Variants in FBXO21 observed in about 807,000 individuals in gnomAD.
FBXO21 encodes F-box only protein 21.
FBXO21 carries 32 observed loss-of-function variants against 76.6 expected under a neutral mutation model. The ratio of observed to expected loss-of-function variants is 0.42; its 90% CI spans 0.32 to 0.56. FBXO21 has a LOEUF of 0.56. Among genes scored for constraint, FBXO21 ranks in the 20% least tolerant of loss-of-function variants. The probability of loss-of-function intolerance (pLI) is 0.16; values close to 1 mark genes in which losing one functional copy is unlikely to be tolerated. For missense variants in FBXO21, 586 were observed against 797.3 expected (o/e 0.73, Z 3.19); for synonymous variants, 328 against 311.5 (o/e 1.05, Z -0.56).
rs372253197 is a variant in FBXO21 at position 117,150,871 on chromosome 12, C to CTGTG, written c.1676-4598_1676-4595dup. On this transcript the variant is annotated intron_variant, in intron 11 of 11. Coordinates refer to ENST00000622495, the MANE Select transcript of FBXO21 (RefSeq NM_015002.3). ...GCCAGCAGGTACAGCTGGCCATGGACTGTGTGTGTGTGTGTGTGTGTGTGT... is the reference window on the plus strand; with the variant it reads ...GCCAGCAGGTACAGCTGGCCATGGACTGTGTGTGTGTGTGTGTGTGTGTGTGTGT... Among the ~76,000 whole-genome samples the CTGTG allele has an allele frequency of 9.1e-3, 1,158 of 127,692 alleles. 23 individuals are homozygous for CTGTG. Among genetic ancestry groups the CTGTG allele is most frequent in the African/African-American group, 0.024 (798 of 33,536 alleles). 83.8% of individuals were successfully genotyped at this position (127,692 alleles called of 152,430 possible). A position where few individuals can be genotyped will look rare whatever the true frequency, so the allele number is the denominator to read the frequency against.
intron 2 of FBXO21, 74 bp downstream of exon 2, chr12:117,189,153 A>C: frequency 1.3e-6 from 2 of 1,544,510 alleles, no homozygotes; most frequent in Non-Finnish European, 1.8e-6. Flanking sequence ...AAAGAGCTGG[A>C]TGAGCTCATG....
chr12:117,175,164 C>T (rs1956160992), intron 4 of FBXO21, among the ~76,000 whole-genome samples: 1 of 152,052 alleles, frequency 6.6e-6, no homozygotes, highest in African/African-American at 2.4e-5. Flanking sequence ...AATCCAACAA[C>T]TCTGAAAACT....
At chr12:117,164,724 A>AT (rs1250495043) in intron 9 of FBXO21, among the ~76,000 whole-genome samples, 2 of 152,322 alleles carry the variant, frequency 1.3e-5, no homozygotes, top group Middle Eastern at 3.4e-3. Flanking sequence ...TTCAAGGAAG[A>AT]TTTTACCCCT....
At chr12:117,147,997 T>G (rs972352214) in intron 11 of FBXO21, among the ~76,000 whole-genome samples, 1 of 152,242 alleles carries the variant, frequency 6.6e-6, no homozygotes, top group Non-Finnish European at 1.5e-5. Context: ...TGGCCTATTA[T>G]TTCTTAAACA....
rs145218658 is a variant in FBXO21, at chr12:117,162,944, C to T, written c.1326+2541G>A. On this transcript the variant is annotated intron_variant, in intron 9 of 11. Transcript: ENST00000622495. Reference sequence around the variant, plus strand: ...ATTTTTCAAGGTCACACCTGAAACCCTTCCTCTGGAGAGGAACCTTGTCCG... The same window carrying T: ...ATTTTTCAAGGTCACACCTGAAACCTTTCCTCTGGAGAGGAACCTTGTCCG... Among the ~76,000 whole-genome samples the T allele has an allele frequency of 1.9e-3, 286 of 152,314 alleles. 2 individuals carry two copies. The highest frequency in any genetic ancestry group is 6.8e-3 in the Middle Eastern group (2 of 294).
At chr12:117,155,737 T>G in intron 11 of FBXO21, 54 bp downstream of exon 11, 4 of 1,559,934 alleles carry the variant, frequency 2.6e-6, no homozygotes, top group Non-Finnish European at 2.6e-6. Flanking sequence ...GGCTCAAACG[T>G]GCGCTGAAAA....
In FBXO21 at chr12:117,146,240, T is replaced by A. The variant is rs1315752630; in HGVS notation, c.1713A>T (p.Ser571=). The A allele has an allele frequency of 1.9e-6, 3 of 1,610,248 alleles. No individual in the cohort carries two copies. The African/African-American group carries it at 4.0e-5, about 22-fold the overall frequency. ...LEYNVEPQEI[S]HPDVGRYFSE... is the part of the protein sequence containing the mutation. Reference sequence around the variant, plus strand: ...AGAAATAGCGTCCCACGTCAGGGTGTGAGATTTCTTGAGGCTCCACGTTAT... The same window carrying A: ...AGAAATAGCGTCCCACGTCAGGGTGAGAGATTTCTTGAGGCTCCACGTTAT... Residue 571 remains serine (S), a synonymous_variant, in exon 12 of 12, where the codon TCA becomes TCT. Transcript: ENST00000622495.
At chr12:117,167,226 C>T (rs1448310886) in intron 7 of FBXO21, 149 bp from the exon 8 acceptor site, 2 of 656,030 alleles carry the variant, frequency 3.0e-6, no homozygotes, top group African/African-American at 3.6e-5. Flanking sequence ...AAATCTGACC[C>T]CTTTGTGCAA....
intron 8 of FBXO21, among the ~76,000 whole-genome samples, chr12:117,166,209 A>G (rs1956052176): frequency 1.4e-5 from 2 of 145,304 alleles, no homozygotes; most frequent in African/African-American, 2.6e-5. Context: ...AAAAAAAAAA[A>G]GAATTCTGAG....
intron 3 of FBXO21, among the ~76,000 whole-genome samples, chr12:117,179,278 T>G (rs542078522): frequency 6.6e-6 from 1 of 152,328 alleles, no homozygotes; most frequent in East Asian, 1.9e-4. Context: ...AAGAAAACTT[T>G]GCAAACGGCC....
At chr12:117,173,662 A>C (rs1310301125) in intron 6 of FBXO21, among the ~76,000 whole-genome samples, 1 of 152,232 alleles carries the variant, frequency 6.6e-6, no homozygotes, top group African/African-American at 2.4e-5. Flanking sequence ...AGAGTCAGAG[A>C]AATATCTATT....
intron 3 of FBXO21, among the ~76,000 whole-genome samples, chr12:117,182,891 G>GT (rs1956249183): frequency 6.6e-6 from 1 of 152,026 alleles, no homozygotes; most frequent in African/African-American, 2.4e-5. Context: ...CAGGAGTTTA[G>GT]TAACTGCCTG....
intron 2 of FBXO21, among the ~76,000 whole-genome samples, chr12:117,186,841 C>T (rs1329220162): frequency 1.3e-5 from 2 of 152,204 alleles, no homozygotes; most frequent in South Asian, 2.1e-4. Context: ...AGAAAACTAG[C>T]TCTGGCCGGC....
At chr12:117,155,296 C>G (rs1955899403) in intron 11 of FBXO21, 2 of 154,362 alleles carry the variant, frequency 1.3e-5, no homozygotes, top group Admixed American at 1.3e-4. Flanking sequence ...AGACGCCTAC[C>G]CAACCTTACT....
chr12:117,172,383 A>G, intron 7 of FBXO21, 88 bp downstream of exon 7: 1 of 1,473,936 alleles, frequency 6.8e-7, no homozygotes, highest in South Asian at 1.3e-5. Flanking sequence ...GTGTGGTAAC[A>G]CCCAACTTGA....
At chr12:117,186,429 C>G in intron 3 of FBXO21, 48 bp downstream of exon 3, 1 of 1,244,308 alleles carries the variant, frequency 8.0e-7, no homozygotes, top group South Asian at 1.2e-5. Flanking sequence ...CAGCAATTTA[C>G]TCTGGACTTA....
intron 3 of FBXO21, among the ~76,000 whole-genome samples, chr12:117,186,137 A>G (rs1181599496): frequency 6.6e-6 from 1 of 152,168 alleles, no homozygotes; most frequent in Non-Finnish European, 1.5e-5. Context: ...TCGGCCTCCC[A>G]AAGTGCTGGG....
chr12:117,180,017 T>C (rs1376140881), intron 3 of FBXO21, among the ~76,000 whole-genome samples: 1 of 152,238 alleles, frequency 6.6e-6, no homozygotes, highest in African/African-American at 2.4e-5. Flanking sequence ...AATCCATTCC[T>C]GTTATTATCC....
intron 9 of FBXO21, among the ~76,000 whole-genome samples, chr12:117,160,223 A>G (rs1955962151): frequency 6.6e-6 from 1 of 152,192 alleles, no homozygotes; most frequent in African/African-American, 2.4e-5. Flanking sequence ...GCTATAGATA[A>G]TAAGTAAACA....
Sources: gnomAD v4.1 joint callset for allele counts (sites outside exome capture counted in the v4.1 genomes callset) on GRCh38, gnomAD v4.1.1 for gene constraint, MANE v1.5 for transcripts, NCBI Gene and HGNC (gene_info 2026-07-23, HGNC 2026-07-21) for gene names.